IRAG1: variants seen among roughly 807,000 people sequenced by gnomAD.
IRAG1 encodes the protein inositol 1,4,5-triphosphate receptor associated 1.
Under a neutral mutation model 106.2 loss-of-function variants are expected in IRAG1, and 62 were observed. That is an observed-to-expected ratio of 0.58 (90% CI 0.48 to 0.72). The LOEUF is 0.72. Among genes scored for constraint, IRAG1 ranks in the 30% least tolerant of loss-of-function variants. IRAG1 has a pLI of 0.00. For missense variants in IRAG1, 1,064 were observed against 1,140.7 expected, an observed-to-expected ratio of 0.93 and a Z score of 0.97; for synonymous variants, 462 against 443.9, an observed-to-expected ratio of 1.04 and a Z score of -0.51.
chr11:10,680,771 T>C (rs972336746), intron 1 of IRAG1, among the ~76,000 whole-genome samples: 1 of 152,162 alleles, frequency 6.6e-6, no homozygotes, highest in East Asian at 1.9e-4. Context: ...AATAACAATC[T>C]TGTGAATTAT....
intron 1 of IRAG1, among the ~76,000 whole-genome samples, chr11:10,681,476 C>G (rs1028150992): frequency 6.6e-5 from 10 of 152,134 alleles, no homozygotes; most frequent in Non-Finnish European, 1.2e-4. Context: ...TAAACAATAA[C>G]AGCTGACTCT....
At chr11:10,588,631 G>A (rs1000533195) in intron 18 of IRAG1, among the ~76,000 whole-genome samples, 2 of 152,194 alleles carry the variant, frequency 1.3e-5, no homozygotes, top group Admixed American at 6.5e-5. Flanking sequence ...GGTTACAGGC[G>A]TGAGCCACTG....
rs1049279813 is a variant in IRAG1, at chr11:10,682,611, T to TA, written c.67+10924dup. Among the ~76,000 whole-genome samples, 5 of 152,086 alleles carry TA rather than the reference T, an allele frequency of 3.3e-5. No homozygotes were observed. The South Asian group carries it at 8.3e-4, about 25-fold the overall frequency. On this transcript the variant is annotated intron_variant, in intron 1 of 20. Transcript: ENST00000423302. ...TGCCCTCCAATGTATTAACAAGGTT[T>TA]AAAAAAACCCATAAACAATGGACAT...
chr11:10,623,917 T>C, intron 9 of IRAG1, 61 bp from the exon 10 acceptor site: 2 of 1,496,336 alleles, frequency 1.3e-6, no homozygotes, highest in Non-Finnish European at 1.9e-6. Context: ...GGCTGTTCTC[T>C]TGGCTCTGTC....
chr11:10,646,136 G>T (rs892307154), intron 2 of IRAG1, among the ~76,000 whole-genome samples: 2 of 152,192 alleles, frequency 1.3e-5, no homozygotes, highest in African/African-American at 4.8e-5. Context: ...CTCCCTGGCT[G>T]CTTGGTCATC....
At chr11:10,687,893 T>G in intron 1 of IRAG1, 2 of 894,896 alleles carry the variant, frequency 2.2e-6, no homozygotes, top group Non-Finnish European at 1.5e-6. Context: ...GGGTGGTATT[T>G]AACTTTGTAA....
intron 1 of IRAG1, among the ~76,000 whole-genome samples, chr11:10,676,004 G>A (rs1860626139): frequency 1.3e-5 from 2 of 152,224 alleles, no homozygotes; most frequent in African/African-American, 2.4e-5. Context: ...CAATTAAATG[G>A]CCAGAGTCTG....
At chr11:10,676,006 C>G (rs1170791204) in intron 1 of IRAG1, among the ~76,000 whole-genome samples, 3 of 152,222 alleles carry the variant, frequency 2.0e-5, no homozygotes, top group Non-Finnish European at 4.4e-5. Flanking sequence ...ATTAAATGGC[C>G]AGAGTCTGTA....
chr11:10,649,360 C>A (rs1164442640), intron 2 of IRAG1, among the ~76,000 whole-genome samples: 1 of 152,148 alleles, frequency 6.6e-6, no homozygotes. Flanking sequence ...GCTTCATGGT[C>A]CCTCAGGCTA....
At chr11:10,692,211 A>ACACG (rs1485480537) in intron 1 of IRAG1, among the ~76,000 whole-genome samples, 1 of 151,498 alleles carries the variant, frequency 6.6e-6, no homozygotes, top group Admixed American at 6.6e-5. Context: ...ACACACACAT[A>ACACG]CACGCACTAT....
intron 20 of IRAG1, among the ~76,000 whole-genome samples, chr11:10,577,614 C>G (rs1850958521): frequency 6.6e-6 from 1 of 152,200 alleles, no homozygotes; most frequent in Non-Finnish European, 1.5e-5. Context: ...TTCTGAAGAT[C>G]CTGAGGCTCA....
chr11:10,627,962 G>T lies in IRAG1; in HGVS notation c.705+11C>A. The stretch of plus-strand genomic sequence containing the variant: ...CATAGAAACAGCACAGCAGGTGGGG[G>T]GTCCTGTCACCTGTGGTGGTGCTCC... On this transcript the variant is annotated intron_variant, in intron 7 of 20. Coordinates refer to ENST00000423302, the MANE Select transcript of IRAG1 (RefSeq NM_130385.4). The T allele has an allele frequency of 6.2e-7, 1 of 1,600,862 alleles. No homozygotes were observed. The highest frequency in any genetic ancestry group is 8.5e-7 in the Non-Finnish European group (1 of 1,171,658).
In IRAG1 at chr11:10,632,563, T is replaced by C. The variant is rs146398337; in HGVS notation, c.330-502A>G. On this transcript the variant is annotated intron_variant, in intron 3 of 20. Coordinates refer to ENST00000423302, the MANE Select transcript of IRAG1 (RefSeq NM_130385.4). ...CTCGAGGGTTTCTCTGACTCTCAAC[T>C]TGGGAACGTCTTAGAAATGCAAATT... is the stretch of plus-strand genomic sequence containing the variant. Among the ~76,000 whole-genome samples, 237 of 152,310 alleles carry C rather than the reference T, an allele frequency of 1.6e-3. 4 individuals carry two copies. In the East Asian group the frequency reaches 0.042, roughly 27 times the overall value.
intron 12 of IRAG1, among the ~76,000 whole-genome samples, chr11:10,605,406 T>A (rs927527861): frequency 1.3e-5 from 2 of 152,200 alleles, no homozygotes; most frequent in African/African-American, 2.4e-5. Context: ...AGGTACAGAA[T>A]TGACCCAATG....
chr11:10,583,532 A>C (rs1851604497), intron 18 of IRAG1, among the ~76,000 whole-genome samples: 1 of 152,214 alleles, frequency 6.6e-6, no homozygotes. Flanking sequence ...TTGGGAGCCA[A>C]GCACAGGTTT....
intron 10 of IRAG1, among the ~76,000 whole-genome samples, chr11:10,614,869 C>T (rs1444185069): frequency 6.6e-6 from 1 of 152,188 alleles, no homozygotes; most frequent in African/African-American, 2.4e-5. Context: ...CCATTCAGGA[C>T]ATAGGCATGG....
intron 2 of IRAG1, among the ~76,000 whole-genome samples, chr11:10,648,516 C>T (rs1245995653): frequency 3.9e-5 from 6 of 152,136 alleles, no homozygotes; most frequent in Admixed American, 3.9e-4. Flanking sequence ...CCTGCCTGGG[C>T]GGAGCTTAGA....
chr11:10,663,331 T>G (rs998673662), intron 1 of IRAG1, among the ~76,000 whole-genome samples: 1 of 152,212 alleles, frequency 6.6e-6, no homozygotes, highest in African/African-American at 2.4e-5. Context: ...CTTCCTAGTT[T>G]TCTTCTAGGA....
In IRAG1 at chr11:10,609,834, A is replaced by G; in HGVS notation, c.1465T>C (p.Ser489Pro). Residue 489 changes from serine to proline, a missense_variant, in exon 11 of 21, where the codon TCC becomes CCC. By Grantham distance (74) the Ser-to-Pro change is moderately conservative (BLOSUM62 -1). Transcript: ENST00000423302. ...GACTCTTCTTCCTCAATAGCTGGGG[A>G]GAGTTCAGAAGGAAGCCCTGAAAAA... ...EQEKGLPSEL[S>P]PAIEEEESKS... 2 of 1,613,942 alleles carry G rather than the reference A, an allele frequency of 1.2e-6. No homozygotes were observed. The highest frequency in any genetic ancestry group is 1.1e-5 in the South Asian group (1 of 91,074).
Sources: allele counts gnomAD v4.1 joint callset (sites outside exome capture counted in the v4.1 genomes callset), GRCh38; gene constraint gnomAD v4.1.1; transcripts MANE v1.5; gene names NCBI Gene and HGNC (gene_info 2026-07-23, HGNC 2026-07-21).